Variants in ANK3 observed in about 807,000 individuals in gnomAD.
The protein encoded by ANK3 is ankyrin-3.
ANK3 carries 57 observed loss-of-function variants against 370.9 expected under a neutral mutation model. The observed-to-expected ratio is 0.15, with a 90% confidence interval of 0.12 to 0.19. The LOEUF (loss-of-function observed/expected upper bound fraction) is 0.19. Among genes scored for constraint, ANK3 ranks in the 10% least tolerant of loss-of-function variants. The pLI, the probability that ANK3 is intolerant of heterozygous loss-of-function variation, is 1.00. For missense variants in ANK3, 4,439 were observed against 5,302.1 expected (o/e 0.84, Z 5.06); for synonymous variants, 1,929 against 1,946.3 (o/e 0.99, Z 0.23).
intron 2 of ANK3, among the ~76,000 whole-genome samples, chr10:60,400,009 AGT>A (rs60224309): frequency 0.12 from 17,734 of 145,530 alleles, 1,103 homozygotes; most frequent in East Asian, 0.21. Context: ...CCTCCAATAC[AGT>A]GTGTGTGTGT....
chr10:60,370,327 T>A (rs549343472), intron 1 of ANK3, among the ~76,000 whole-genome samples: 2 of 152,216 alleles, frequency 1.3e-5, no homozygotes, highest in African/African-American at 4.8e-5. Flanking sequence ...AAACTTTTAA[T>A]GCTATTACAG....
chr10:60,721,093 T>A (rs1280165867), intron 1 of ANK3, among the ~76,000 whole-genome samples: 4 of 152,208 alleles, frequency 2.6e-5, no homozygotes, highest in Non-Finnish European at 5.9e-5. Flanking sequence ...AGAAGTCCAT[T>A]GTCCAGTTAG....
At chr10:60,330,315 C>G (rs953584386) in intron 1 of ANK3, among the ~76,000 whole-genome samples, 2 of 152,058 alleles carry the variant, frequency 1.3e-5, no homozygotes, top group East Asian at 1.9e-4. Context: ...TTCTGCACAG[C>G]AAAAGAAACT....
intron 2 of ANK3, among the ~76,000 whole-genome samples, chr10:60,576,698 T>C (rs1354527501): frequency 2.0e-5 from 3 of 152,238 alleles, no homozygotes; most frequent in Admixed American, 6.5e-5. Context: ...CTTGATACCA[T>C]TCATCAATGT....
chr10:60,442,861 G>A (rs2064334808), intron 2 of ANK3, among the ~76,000 whole-genome samples: 1 of 152,190 alleles, frequency 6.6e-6, no homozygotes, highest in Admixed American at 6.5e-5. Flanking sequence ...AGCACAAGCA[G>A]GTGAAATGAT....
At position 60,208,195 on chromosome 10, in the gene ANK3, A is replaced by C. The variant is rs752057020; in HGVS notation, c.1035T>G (p.Asp345Glu). The C allele has an allele frequency of 6.2e-7, 1 of 1,614,154 alleles. No homozygotes were observed. The highest frequency in any genetic ancestry group is 8.5e-7 in the Non-Finnish European group (1 of 1,179,988). ...GGAGAAGCTGGACGCAGTTTAAATG[A>C]TCCCCTTGTGTGGCCATGTGCAATG... ...LSPLHMATQG[D>E]HLNCVQLLLQ... The change falls in exon 10 of 44, where the codon GAT becomes GAG. Residue 345 changes from aspartate (D) to glutamate (E), a missense_variant. Coordinates refer to ENST00000280772, the MANE Select transcript of ANK3 (RefSeq NM_020987.5).
chr10:60,104,972 G>C (rs554643073), intron 28 of ANK3, among the ~76,000 whole-genome samples: 15 of 152,244 alleles, frequency 9.9e-5, no homozygotes, highest in African/African-American at 3.6e-4. Context: ...AGTACCCTAC[G>C]GTTCACCTCG....
chr10:60,531,844 C>T (rs774571335), intron 2 of ANK3, among the ~76,000 whole-genome samples: 2 of 152,040 alleles, frequency 1.3e-5, no homozygotes, highest in African/African-American at 2.4e-5. Context: ...TTCCTGATCC[C>T]ATTTCAGACC....
intron 5 of ANK3, among the ~76,000 whole-genome samples, chr10:60,268,406 A>C (rs2097913300): frequency 6.6e-6 from 1 of 152,222 alleles, no homozygotes; most frequent in Admixed American, 6.5e-5. Context: ...ATATCAGTAC[A>C]TAGAGCCTTG....
At chr10:60,444,820 G>A (rs1178507704) in intron 2 of ANK3, among the ~76,000 whole-genome samples, 1 of 152,120 alleles carries the variant, frequency 6.6e-6, no homozygotes, top group Non-Finnish European at 1.5e-5. Flanking sequence ...TGAAGTGTCT[G>A]AAGGGCCTTC....
intron 7 of ANK3, among the ~76,000 whole-genome samples, chr10:60,242,395 A>G (rs1277404656): frequency 6.6e-6 from 1 of 152,196 alleles, no homozygotes; most frequent in Non-Finnish European, 1.5e-5. Context: ...AGGTCATCTA[A>G]CTCCAAAAAT....
chr10:60,481,301 A>C (rs114646009), intron 2 of ANK3, among the ~76,000 whole-genome samples: 2 of 152,154 alleles, frequency 1.3e-5, no homozygotes, highest in African/African-American at 2.4e-5. Flanking sequence ...CGACTGGCAC[A>C]AGGCAACATG....
At chr10:60,243,469 T>A (rs547764098) in intron 7 of ANK3, among the ~76,000 whole-genome samples, 1 of 152,288 alleles carries the variant, frequency 6.6e-6, no homozygotes, top group Admixed American at 6.5e-5. Flanking sequence ...TCCTCCGCCA[T>A]CTTGACAAGG....
chr10:60,188,301 C>T (rs1335438953), intron 16 of ANK3, among the ~76,000 whole-genome samples: 1 of 152,038 alleles, frequency 6.6e-6, no homozygotes, highest in Non-Finnish European at 1.5e-5. Context: ...GGTCTTCTGC[C>T]CCAAGAAAGA....
At chr10:60,054,421 T>G (rs776538146) in intron 42 of ANK3, among the ~76,000 whole-genome samples, 1 of 152,138 alleles carries the variant, frequency 6.6e-6, no homozygotes, top group Non-Finnish European at 1.5e-5. Context: ...AAAAATTTAG[T>G]GAAGGCAGTT....
chr10:60,064,465 G>A (rs2081220792), intron 38 of ANK3, among the ~76,000 whole-genome samples, 177 bp from the exon 39 acceptor site: 1 of 152,132 alleles, frequency 6.6e-6, no homozygotes, highest in African/African-American at 2.4e-5. Context: ...ACCATACACA[G>A]GCTGTGACTT....
intron 42 of ANK3, among the ~76,000 whole-genome samples, chr10:60,055,103 T>C (rs1265213892): frequency 6.6e-6 from 1 of 152,228 alleles, no homozygotes; most frequent in East Asian, 1.9e-4. Flanking sequence ...ATTATACTTC[T>C]AATTTTAAAT....
chr10:60,418,729 C>T (rs1426816452), intron 2 of ANK3, among the ~76,000 whole-genome samples: 2 of 149,882 alleles, frequency 1.3e-5, no homozygotes, highest in African/African-American at 4.9e-5. Context: ...AAAAAAAAAG[C>T]CTTGTTTATC....
chr10:60,702,971 AATG>A (rs2133420109), intron 1 of ANK3, among the ~76,000 whole-genome samples: 1 of 152,312 alleles, frequency 6.6e-6, no homozygotes, highest in Non-Finnish European at 1.5e-5. Context: ...GAACTTATTC[AATG>A]ATACCACAGG....
Sources: allele counts gnomAD v4.1 joint callset (sites outside exome capture counted in the v4.1 genomes callset), GRCh38; gene constraint gnomAD v4.1.1; transcripts MANE v1.5; gene names NCBI Gene and HGNC (gene_info 2026-07-23, HGNC 2026-07-21).